YY1: variants seen among roughly 807,000 people sequenced by gnomAD.
YY1 encodes the protein YY1 transcription factor.
YY1 carries 2 observed loss-of-function variants against 35.6 expected under a neutral mutation model. The ratio of observed to expected loss-of-function variants is 0.06; its 90% CI spans 0.02 to 0.18. The LOEUF (loss-of-function observed/expected upper bound fraction) is 0.18, where lower values mean the gene tolerates loss of function less well. Ranked by LOEUF, YY1 falls within the 10% of genes least tolerant of loss-of-function variation. The probability of loss-of-function intolerance (pLI) is 1.00; values close to 1 mark genes in which losing one functional copy is unlikely to be tolerated. For missense variants in YY1, 322 were observed against 573.4 expected (o/e 0.56, Z 4.48); for synonymous variants, 268 against 238.9 (o/e 1.12, Z -1.12).
chr14:100,242,390 T>G (rs865871097), intron 1 of YY1, among the ~76,000 whole-genome samples: 3,580 of 142,612 alleles, frequency 0.025, 212 homozygotes, highest in African/African-American at 0.087. Context: ...TTTTTTTTTT[T>G]TTTTTTTTTT....
chr14:100,249,630 C>G (rs115592196), intron 1 of YY1, among the ~76,000 whole-genome samples: 1 of 152,042 alleles, frequency 6.6e-6, no homozygotes, highest in Non-Finnish European at 1.5e-5. Flanking sequence ...TGGTCTATTC[C>G]TGTATAGGTG....
Position 100,276,945 on chromosome 14 carries a change from C to A in YY1, c.1062+297C>A, listed in dbSNP as rs929251232. The A allele has an allele frequency of 4.2e-6, 2 of 470,746 alleles. No individual in the cohort carries two copies. Among genetic ancestry groups the A allele is most frequent in the African/African-American group, 2.0e-5 (1 of 51,114 alleles). The allele number at this position is 470,746 out of a possible 1,614,324, so 29.2% of individuals were successfully genotyped here. ...CCTAAAACTCAATTTCTACTTCATT[C>A]ATTACAGGATTGAAGTAATTTATTT... On this transcript the variant is annotated intron_variant, in intron 4 of 4. Coordinates refer to ENST00000262238, the MANE Select transcript of YY1 (RefSeq NM_003403.5). The surrounding 1 kb of genome is among the most constrained non-coding windows in gnomAD (Gnocchi z 4.1).
chr14:100,271,317 T>C (rs553758069), intron 2 of YY1, among the ~76,000 whole-genome samples: 1 of 152,308 alleles, frequency 6.6e-6, no homozygotes, highest in Admixed American at 6.5e-5. Context: ...ACCTTTCATA[T>C]CAATCACTGT....
rs1891383854 is a variant in YY1, at chr14:100,279,661, G to A, written c.*2061G>A. The stretch of plus-strand genomic sequence containing the variant: ...CGTGTAGTTCTTTGACTTGGACCTG[G>A]GCAGCGTCTTCTATGGATGCCTGCC... On this transcript the variant is annotated 3_prime_UTR_variant, in exon 5 of 5. Transcript: ENST00000262238. 6.6e-6 allele frequency: 1 copy of A among 152,230 alleles called. No individual in the cohort carries two copies. The highest frequency in any genetic ancestry group is 2.1e-4 in the South Asian group (1 of 4,816). 9.4% of individuals were successfully genotyped at this position (152,230 alleles called of 1,614,324 possible).
At chr14:100,245,868 A>G (rs543569964) in intron 1 of YY1, among the ~76,000 whole-genome samples, 287 of 152,238 alleles carry the variant, frequency 1.9e-3, no homozygotes, top group Non-Finnish European at 3.4e-3. Flanking sequence ...CAGCCTCCCA[A>G]AGTGCTGGGA....
At chr14:100,242,161 G>T (rs899152224) in intron 1 of YY1, among the ~76,000 whole-genome samples, 4 of 152,098 alleles carry the variant, frequency 2.6e-5, no homozygotes, top group African/African-American at 9.7e-5. Context: ...TTAGAAAACC[G>T]ACATATTTTT....
intron 1 of YY1, among the ~76,000 whole-genome samples, chr14:100,255,878 CTCT>C (rs1198750148): frequency 6.6e-6 from 1 of 152,192 alleles, no homozygotes; most frequent in African/African-American, 2.4e-5. Context: ...CTTCCTCATT[CTCT>C]TAATATTAGA....
intron 2 of YY1, among the ~76,000 whole-genome samples, chr14:100,272,969 T>G (rs201514863): frequency 1.3e-5 from 2 of 149,940 alleles, no homozygotes; most frequent in African/African-American, 2.4e-5. Context: ...TTTTTTGTTT[T>G]TTTTTTTTTG....
chr14:100,244,965 C>T (rs1323746622), intron 1 of YY1, among the ~76,000 whole-genome samples: 1 of 151,412 alleles, frequency 6.6e-6, no homozygotes, highest in Non-Finnish European at 1.5e-5. Flanking sequence ...GAGACAGAAT[C>T]TCGCTCTGTC....
At chr14:100,260,874 C>T (rs966866772) in intron 1 of YY1, among the ~76,000 whole-genome samples, 3 of 140,950 alleles carry the variant, frequency 2.1e-5, no homozygotes, top group Admixed American at 1.5e-4. Flanking sequence ...CGGCTCACTA[C>T]AGCCTCGACC....
At chr14:100,262,627 C>CT (rs1891099948) in intron 2 of YY1, among the ~76,000 whole-genome samples, 161 bp downstream of exon 2, 1 of 151,994 alleles carries the variant, frequency 6.6e-6, no homozygotes, top group African/African-American at 2.4e-5. Flanking sequence ...TTTTTGTTTC[C>CT]TTTTTTTGAG....
intron 1 of YY1, among the ~76,000 whole-genome samples, chr14:100,261,014 T>G (rs1330158265): frequency 6.6e-6 from 1 of 150,918 alleles, no homozygotes; most frequent in Non-Finnish European, 1.5e-5. Flanking sequence ...CAGGCTGGTC[T>G]AGGAACTTCT....
At chr14:100,255,177 A>C (rs1890986874) in intron 1 of YY1, among the ~76,000 whole-genome samples, 1 of 151,956 alleles carries the variant, frequency 6.6e-6, no homozygotes, top group Non-Finnish European at 1.5e-5. Flanking sequence ...CTTGTAGGAA[A>C]CACTGTTTTT....
At chr14:100,273,847 A>G (rs183711773) in intron 2 of YY1, among the ~76,000 whole-genome samples, 5 of 152,332 alleles carry the variant, frequency 3.3e-5, no homozygotes, top group African/African-American at 1.2e-4. Context: ...AAGTTTTGAC[A>G]AAAGTCCAAA....
At chr14:100,271,647 T>C (rs923899555) in intron 2 of YY1, among the ~76,000 whole-genome samples, 1 of 152,128 alleles carries the variant, frequency 6.6e-6, no homozygotes, top group African/African-American at 2.4e-5. Flanking sequence ...TTACACCTTA[T>C]ACACATAGCC....
intron 1 of YY1, among the ~76,000 whole-genome samples, chr14:100,241,172 CTG>C (rs1207077643): frequency 1.3e-5 from 2 of 152,200 alleles, no homozygotes; most frequent in Non-Finnish European, 2.9e-5. Context: ...ACTAAATAGA[CTG>C]AGAATAATCC....
intron 1 of YY1, among the ~76,000 whole-genome samples, chr14:100,240,540 G>A (rs1055071907): frequency 7.2e-5 from 11 of 152,078 alleles, no homozygotes; most frequent in Admixed American, 7.2e-4. Context: ...GGCGCCCTCC[G>A]GCCTCCTTGC....
intron 1 of YY1, among the ~76,000 whole-genome samples, chr14:100,245,847 TCCACCCACC>T (rs1030778810): frequency 2.3e-4 from 35 of 152,132 alleles, no homozygotes; most frequent in Non-Finnish European, 1.5e-5. Flanking sequence ...CTTCAGGTGA[TCCACCCACC>T]CCAGCCTCCC....
chr14:100,240,730 G>T (rs1326601904), intron 1 of YY1, among the ~76,000 whole-genome samples: 1 of 152,206 alleles, frequency 6.6e-6, no homozygotes, highest in Non-Finnish European at 1.5e-5. Context: ...GCCTTCCTGC[G>T]GTACCTAGTG....
Sources: allele counts gnomAD v4.1 joint callset (sites outside exome capture counted in the v4.1 genomes callset), GRCh38; gene constraint gnomAD v4.1.1; non-coding constraint Gnocchi (gnomAD v3.1); transcripts MANE v1.5; gene names NCBI Gene and HGNC (gene_info 2026-07-23, HGNC 2026-07-21).